The following ITGA9 variants were observed in gnomAD, a reference collection of about 807,000 sequenced individuals.
The protein encoded by ITGA9 is integrin subunit alpha 9, also known as integrin alpha-9.
ITGA9 carries 56 observed loss-of-function variants against 127.8 expected under a neutral mutation model. That is an observed-to-expected ratio of 0.44 (90% CI 0.35 to 0.55). ITGA9 has a LOEUF of 0.55. Among genes scored for constraint, ITGA9 ranks in the 20% least tolerant of loss-of-function variants. The pLI, the probability that ITGA9 is intolerant of heterozygous loss-of-function variation, is 0.00. For synonymous variants in ITGA9, 508 were observed against 514.5 expected (o/e 0.99, Z 0.17); for missense variants, 1,196 against 1,347.1 (o/e 0.89, Z 1.76).
Position 37,683,250 on chromosome 3 carries a change from C to T in ITGA9, c.1917-615C>T, listed in dbSNP as rs535151149. 9.2e-5 allele frequency among the ~76,000 whole-genome samples: 14 copies of T among 152,332 alleles called. No individual in the cohort carries two copies. The South Asian group carries it at 2.7e-3, about 29-fold the overall frequency. On this transcript the variant is annotated intron_variant, in intron 17 of 27. Transcript: ENST00000264741. Reference sequence around the variant, plus strand: ...TTCTCCTTTGCTAGTCCCCACATACCGTGTTTCTTGCTCCCCTTCTTTCTT... The same window carrying T: ...TTCTCCTTTGCTAGTCCCCACATACTGTGTTTCTTGCTCCCCTTCTTTCTT...
intron 15 of ITGA9, among the ~76,000 whole-genome samples, chr3:37,608,661 C>T (rs1026619905): frequency 2.0e-5 from 3 of 152,110 alleles, no homozygotes; most frequent in African/African-American, 4.8e-5. Context: ...CTTCTCTCTT[C>T]CAATAAAAGG....
At chr3:37,485,459 G>A (rs1698599535) in intron 4 of ITGA9, among the ~76,000 whole-genome samples, 1 of 152,030 alleles carries the variant, frequency 6.6e-6, no homozygotes, top group Non-Finnish European at 1.5e-5. Flanking sequence ...GCCTCTCAGT[G>A]GGAGTCGATG....
chr3:37,506,170 A>G (rs1698842030), intron 7 of ITGA9, 85 bp downstream of exon 7: 1 of 996,110 alleles, frequency 1.0e-6, no homozygotes, highest in Non-Finnish European at 1.6e-6. Context: ...GCCAGCTGAC[A>G]TTGACCTGAA....
intron 20 of ITGA9, among the ~76,000 whole-genome samples, chr3:37,737,997 T>G (rs1575214603): frequency 6.6e-6 from 1 of 152,234 alleles, no homozygotes. Flanking sequence ...TAAACTGTAG[T>G]ATAGTTATCA....
At chr3:37,503,712 G>T (rs1438527028) in intron 6 of ITGA9, among the ~76,000 whole-genome samples, 1 of 152,200 alleles carries the variant, frequency 6.6e-6, no homozygotes, top group Non-Finnish European at 1.5e-5. Context: ...AGAAAGATAA[G>T]AACTAGAAAT....
chr3:37,684,035 A>G lies in ITGA9; in HGVS notation c.2067+20A>G. ...CAGAAGGTAAGGAGGGCATCCCTGTAAAAAGAGCAGTTGTTCCATCTGGTG... is the reference window on the plus strand; with the variant it reads ...CAGAAGGTAAGGAGGGCATCCCTGTGAAAAGAGCAGTTGTTCCATCTGGTG... On this transcript the variant is annotated intron_variant, in intron 18 of 27. Transcript: ENST00000264741. 6.2e-7 allele frequency: 1 copy of G among 1,609,366 alleles called. No homozygotes were observed. Among genetic ancestry groups the G allele is most frequent in the Non-Finnish European group, 8.5e-7 (1 of 1,176,704 alleles).
intron 27 of ITGA9, among the ~76,000 whole-genome samples, chr3:37,810,618 A>T (rs918374046): frequency 6.6e-6 from 1 of 151,968 alleles, no homozygotes; most frequent in Non-Finnish European, 1.5e-5. Context: ...GTTTCACCAT[A>T]TTGGCCAGGC....
At chr3:37,558,302 A>G (rs730173) in intron 15 of ITGA9, among the ~76,000 whole-genome samples, 147,483 of 152,304 alleles carry the variant, frequency 0.97, 71,508 homozygotes, top group Non-Finnish European at 0.98. Context: ...GCCCACCAGC[A>G]TGTGTTGAGT....
chr3:37,769,982 G>A (rs567842023), intron 23 of ITGA9, among the ~76,000 whole-genome samples: 7 of 152,282 alleles, frequency 4.6e-5, no homozygotes, highest in East Asian at 1.9e-4. Flanking sequence ...GGGGATTTTC[G>A]AGATGTGCTT....
At chr3:37,750,151 G>A (rs1575220527) in intron 22 of ITGA9, among the ~76,000 whole-genome samples, 1 of 152,106 alleles carries the variant, frequency 6.6e-6, no homozygotes. Context: ...TTCTCACCAA[G>A]TGTAATAGTC....
chr3:37,556,991 A>G (rs759259106), intron 15 of ITGA9, among the ~76,000 whole-genome samples: 13 of 152,140 alleles, frequency 8.5e-5, no homozygotes, highest in South Asian at 2.1e-4. Context: ...TTCTCTGCCT[A>G]TTGCTTGAAG....
At chr3:37,637,041 T>C (rs1363642492) in intron 16 of ITGA9, among the ~76,000 whole-genome samples, 1 of 152,244 alleles carries the variant, frequency 6.6e-6, no homozygotes, top group Non-Finnish European at 1.5e-5. Flanking sequence ...TGTAGCCTTG[T>C]AGTATAATTT....
intron 12 of ITGA9, among the ~76,000 whole-genome samples, chr3:37,524,939 G>A (rs572107607): frequency 6.6e-6 from 1 of 152,182 alleles, no homozygotes; most frequent in African/African-American, 2.4e-5. Flanking sequence ...GACTATTGAA[G>A]AACAAAATTG....
At chr3:37,815,745 A>G (rs942074930) in intron 27 of ITGA9, among the ~76,000 whole-genome samples, 2 of 152,206 alleles carry the variant, frequency 1.3e-5, no homozygotes, top group Non-Finnish European at 2.9e-5. Context: ...CAGTTAACTT[A>G]TGCTACTTGA....
At chr3:37,736,704 A>C (rs944331312) in intron 19 of ITGA9, among the ~76,000 whole-genome samples, 200 bp from the exon 20 acceptor site, 2 of 152,242 alleles carry the variant, frequency 1.3e-5, no homozygotes, top group Non-Finnish European at 2.9e-5. Flanking sequence ...CAGGAGCAGC[A>C]GGTCTCTGGC....
At chr3:37,642,235 C>G (rs1055936902) in intron 16 of ITGA9, among the ~76,000 whole-genome samples, 2 of 152,218 alleles carry the variant, frequency 1.3e-5, no homozygotes, top group Admixed American at 6.5e-5. Flanking sequence ...CATGAGCCAC[C>G]GTGCATGGCC....
intron 17 of ITGA9, among the ~76,000 whole-genome samples, chr3:37,675,228 G>A (rs1700670051): frequency 6.6e-6 from 1 of 152,182 alleles, no homozygotes; most frequent in African/African-American, 2.4e-5. Context: ...ACTGACTAGA[G>A]TGGACACGTA....
chr3:37,619,879 C>T (rs374232192), intron 15 of ITGA9, among the ~76,000 whole-genome samples: 29 of 150,230 alleles, frequency 1.9e-4, no homozygotes, highest in Non-Finnish European at 4.0e-4. Context: ...CTCAGCCTTC[C>T]AGTCTCTTAG....
At chr3:37,702,979 C>A (rs1460593502) in intron 18 of ITGA9, among the ~76,000 whole-genome samples, 1 of 152,018 alleles carries the variant, frequency 6.6e-6, no homozygotes, top group Non-Finnish European at 1.5e-5. Context: ...CTCTGCCTCC[C>A]GGAAGGTTCC....
Sources: allele counts gnomAD v4.1 joint callset (sites outside exome capture counted in the v4.1 genomes callset), GRCh38; gene constraint gnomAD v4.1.1; transcripts MANE v1.5; gene names NCBI Gene and HGNC (gene_info 2026-07-23, HGNC 2026-07-21).